Variants in SARDH observed in about 807,000 individuals in gnomAD.
SARDH encodes the protein sarcosine dehydrogenase.
SARDH carries 95 observed loss-of-function variants against 109.1 expected under a neutral mutation model. The ratio of observed to expected loss-of-function variants is 0.87; its 90% confidence interval spans 0.74 to 1.03. The LOEUF is 1.03. Among genes scored for constraint, SARDH ranks in the 50% least tolerant of loss-of-function variants. The pLI, the probability that SARDH is intolerant of heterozygous loss-of-function variation, is 0.00. For missense variants in SARDH, 1,267 were observed against 1,287.8 expected (o/e 0.98, Z 0.25); for synonymous variants, 572 against 534.8 (o/e 1.07, Z -0.96).
intron 17 of SARDH, 31 bp from the exon 18 acceptor site, chr9:133,671,728 C>A: frequency 6.5e-7 from 1 of 1,543,250 alleles, no homozygotes; most frequent in Non-Finnish European, 8.8e-7. Flanking sequence ...TTAGATGTGG[C>A]CATGTAAGAT....
At position 133,729,840 on chromosome 9, in the gene SARDH, C is replaced by A. The variant is rs1393629140; in HGVS notation, c.840G>T (p.Arg280=). Residue 280 remains arginine (R), a synonymous_variant, in exon 6 of 21, where the codon CGG becomes CGT. Transcript: ENST00000439388. ...CAGVWASAVG[R]MAGVKVPLVA... ...CCAGCGGGACCTTGACTCCAGCCAT[C>A]CGGCCCACAGCACTTGCCCACACTC... The A allele has an allele frequency of 2.5e-6, 4 of 1,612,222 alleles. No homozygotes were observed. The South Asian group carries it at 4.4e-5, about 18-fold the overall frequency.
chr9:133,675,193 A>T (rs1588386104), intron 17 of SARDH, among the ~76,000 whole-genome samples: 2 of 151,532 alleles, frequency 1.3e-5, no homozygotes, highest in African/African-American at 4.9e-5. Context: ...AAAATATTTA[A>T]AAAAAAAATT....
chr9:133,689,195 C>T (rs1277678580), intron 16 of SARDH, among the ~76,000 whole-genome samples: 5 of 149,524 alleles, frequency 3.3e-5, no homozygotes, highest in Admixed American at 1.3e-4. Flanking sequence ...CCCCTCCCTG[C>T]CTCTCCTCCT....
In SARDH at chr9:133,671,572, T is replaced by C; in HGVS notation, c.2289A>G (p.Ala763=). The change falls in exon 18 of 21, where the codon GCA becomes GCG. Residue 763 remains alanine (A), a synonymous_variant. Transcript: ENST00000439388. ...AAGAKHGLIN[A]GYRAIDSLSI... Reference sequence around the variant, plus strand: ...TCAGGGAGTCGATGGCGCGGTACCCTGCGTTGATGAGGCCGTGCTTGGCAC... The same window carrying C: ...TCAGGGAGTCGATGGCGCGGTACCCCGCGTTGATGAGGCCGTGCTTGGCAC... The C allele has an allele frequency of 1.2e-6, 2 of 1,607,898 alleles. No homozygotes were observed. The highest frequency in any genetic ancestry group is 2.2e-5 in the East Asian group (1 of 44,672).
intron 19 of SARDH, among the ~76,000 whole-genome samples, chr9:133,669,556 C>CG (rs1554741953): frequency 6.6e-6 from 1 of 151,754 alleles, no homozygotes; most frequent in Non-Finnish European, 1.5e-5. Context: ...AAGTGGGACT[C>CG]GGGTTCCTGG....
At position 133,731,238 on chromosome 9, in the gene SARDH, C is replaced by T. The variant is rs563295032; in HGVS notation, c.690+67G>A. On this transcript the variant is annotated intron_variant, in intron 4 of 20. Transcript: ENST00000439388. ...GGCTCTTGTTCTCTTCCCTTCTGCT[C>T]TCAGGGTTCTAAGGCAGGAGGAGTG... 450 of 1,575,052 alleles carry T rather than the reference C, an allele frequency of 2.9e-4. No individual in the cohort carries two copies. In the African/African-American group the frequency reaches 4.5e-3, roughly 16 times the overall value.
intron 13 of SARDH, among the ~76,000 whole-genome samples, chr9:133,697,819 G>A (rs990292095): frequency 6.6e-6 from 1 of 151,998 alleles, no homozygotes; most frequent in Non-Finnish European, 1.5e-5. Context: ...TATACTTCAT[G>A]ATGAAAGATC....
chr9:133,712,903 G>A lies in SARDH; in HGVS notation c.1237+135C>T. ...CAGGTGCACTCTCTGGGAAGCAGAA[G>A]GGGCTGGACTCCCCAGCCTCTCCTG... On this transcript the variant is annotated intron_variant, in intron 9 of 20. Coordinates refer to ENST00000439388, the MANE Select transcript of SARDH (RefSeq NM_001134707.2). The surrounding 1 kb of genome is among the most constrained non-coding windows in gnomAD (Gnocchi z 4.1). 2 of 1,009,958 alleles carry A rather than the reference G, an allele frequency of 2.0e-6. No homozygotes were observed. The highest frequency in any genetic ancestry group is 1.5e-6 in the Non-Finnish European group (1 of 677,128). 62.6% of individuals were successfully genotyped at this position (1,009,958 alleles called of 1,614,324 possible).
At chr9:133,716,582 C>T (rs1196742740) in intron 8 of SARDH, among the ~76,000 whole-genome samples, 4 of 151,434 alleles carry the variant, frequency 2.6e-5, no homozygotes, top group Non-Finnish European at 5.9e-5. Context: ...CACCCGCCCC[C>T]TGGGGCAGAG....
rs772762746 is a variant in SARDH at position 133,717,408 on chromosome 9, C to T, written c.1068G>A (p.Val356=). The T allele has an allele frequency of 4.3e-6, 7 of 1,614,040 alleles. No homozygotes were observed. The African/African-American group carries it at 9.3e-5, about 22-fold the overall frequency. Residue 356 remains valine, a synonymous_variant, in exon 8 of 21, where the codon GTG becomes GTA. Transcript: ENST00000439388. ...TGGCGCCTTCAATGTGCTGGGTGAA[C>T]ACCTCCCAGTCCAGGTCAAAGAGGC... The part of the protein sequence containing the change: ...AFGLFDLDWE[V]FTQHIEGAIN...
intron 17 of SARDH, among the ~76,000 whole-genome samples, chr9:133,680,785 C>T (rs129957): frequency 0.28 from 42,255 of 151,998 alleles, 6,060 homozygotes; most frequent in East Asian, 0.4. Flanking sequence ...TCCAGACACA[C>T]GCAGACCTGG....
intron 1 of SARDH, 49 bp from the exon 2 acceptor site, chr9:133,734,252 G>T: frequency 7.6e-7 from 1 of 1,314,542 alleles, no homozygotes; most frequent in Non-Finnish European, 1.0e-6. Context: ...ACACGCTGGG[G>T]GCTGTGCTGA....
Position 133,671,541 on chromosome 9 carries a change from C to G in SARDH, c.2320G>C (p.Glu774Gln). ...GYRAIDSLSI[E>Q]KGYRHWHADL... ...GTCCAGACCCTGCACTCACCTTTCT[C>G]AATGCTCAGGGAGTCGATGGCGCGG... Residue 774 changes from glutamate (E) to glutamine (Q), a missense_variant, in exon 18 of 21, where the codon GAG (glutamate) becomes CAG (glutamine). Transcript: ENST00000439388. The G allele has an allele frequency of 6.2e-7, 1 of 1,606,738 alleles. No homozygotes were observed. Among genetic ancestry groups the G allele is most frequent in the Non-Finnish European group, 8.5e-7 (1 of 1,177,194 alleles).
At chr9:133,671,435 A>G (rs975436010) in intron 18 of SARDH, 100 bp downstream of exon 18, 24 of 1,386,286 alleles carry the variant, frequency 1.7e-5, no homozygotes, top group Non-Finnish European at 1.8e-5. Context: ...GGGTGACAAC[A>G]CAGGGAAGGT....
chr9:133,664,371 C>T (rs925492821), intron 20 of SARDH, among the ~76,000 whole-genome samples: 3 of 152,340 alleles, frequency 2.0e-5, no homozygotes, highest in South Asian at 2.1e-4. Flanking sequence ...AGAGCAGCGC[C>T]GAGGCTGGGG....
At chr9:133,721,279 G>GCATC (rs1832318037) in intron 6 of SARDH, among the ~76,000 whole-genome samples, 1 of 152,256 alleles carries the variant, frequency 6.6e-6, no homozygotes, top group African/African-American at 2.4e-5. Flanking sequence ...ACAGGGGACT[G>GCATC]CATCGCTGGA....
chr9:133,678,320 G>A (rs1830585647), intron 17 of SARDH, among the ~76,000 whole-genome samples: 1 of 152,162 alleles, frequency 6.6e-6, no homozygotes, highest in Non-Finnish European at 1.5e-5. Context: ...CGGGACTAAA[G>A]GGGACCAGAA....
At chr9:133,719,199 C>A (rs1241068303) in intron 6 of SARDH, among the ~76,000 whole-genome samples, 157 bp from the exon 7 acceptor site, 1 of 152,134 alleles carries the variant, frequency 6.6e-6, no homozygotes, top group Non-Finnish European at 1.5e-5. Flanking sequence ...CACGGGGCCT[C>A]AAGTTACACA....
intron 13 of SARDH, among the ~76,000 whole-genome samples, chr9:133,700,737 GCA>G (rs928007218): frequency 9.2e-5 from 12 of 130,416 alleles, no homozygotes; most frequent in African/African-American, 3.6e-4. Context: ...ACACGCACGC[GCA>G]CACACACACA....
Sources: allele counts gnomAD v4.1 joint callset (sites outside exome capture counted in the v4.1 genomes callset), GRCh38; gene constraint gnomAD v4.1.1; non-coding constraint Gnocchi (gnomAD v3.1); transcripts MANE v1.5; gene names NCBI Gene and HGNC (gene_info 2026-07-23, HGNC 2026-07-21).